Variants in PID1 observed in about 807,000 individuals in gnomAD.
The protein encoded by PID1 is PTB-containing, cubilin and LRP1-interacting protein.
In PID1, 10 loss-of-function variants were observed where a neutral mutation model predicts 19.1. The ratio of observed to expected loss-of-function variants is 0.52; its 90% CI spans 0.32 to 0.89. PID1 has a LOEUF of 0.89. Ranked by LOEUF, PID1 falls within the 40% of genes least tolerant of loss-of-function variation. PID1 has a pLI of 0.03. For synonymous variants in PID1, 130 were observed against 116.0 expected, an observed-to-expected ratio of 1.12 and a Z score of -0.78; for missense variants, 248 against 285.3, an observed-to-expected ratio of 0.87 and a Z score of 0.94.
chr2:229,074,245 T>G (rs1694513507), intron 2 of PID1, among the ~76,000 whole-genome samples: 1 of 152,114 alleles, frequency 6.6e-6, no homozygotes, highest in African/African-American at 2.4e-5. Flanking sequence ...AGATACCCAC[T>G]CCTCTAGGTT....
At chr2:229,075,280 A>C (rs1412584294) in intron 2 of PID1, among the ~76,000 whole-genome samples, 1 of 152,234 alleles carries the variant, frequency 6.6e-6, no homozygotes, top group Non-Finnish European at 1.5e-5. Context: ...GTGAAGTAAA[A>C]AATCGTAAGT....
rs13013873 is a variant in PID1, at chr2:229,175,101, G to T, written c.31-19137C>A. Among the ~76,000 whole-genome samples, 333 of 152,110 alleles carry T rather than the reference G, an allele frequency of 2.2e-3. 2 individuals are homozygous for T. Among genetic ancestry groups the T allele is most frequent in the African/African-American group, 7.7e-3 (320 of 41,458 alleles). On this transcript the variant is annotated intron_variant, in intron 1 of 2. Transcript: ENST00000392055. Reference sequence around the variant, plus strand: ...TGGATCCTTTAGTGCCAGTTGAGCCGTTCCTGCTGGCCCACATAGCCCTGT... The same window carrying T: ...TGGATCCTTTAGTGCCAGTTGAGCCTTTCCTGCTGGCCCACATAGCCCTGT...
At chr2:229,046,543 T>G (rs957816426) in intron 2 of PID1, among the ~76,000 whole-genome samples, 22 of 152,076 alleles carry the variant, frequency 1.4e-4, no homozygotes, top group African/African-American at 5.3e-4. Flanking sequence ...CTTAAGTTCT[T>G]TCTTAGTTTA....
chr2:229,212,836 G>T (rs1325728462), intron 1 of PID1, among the ~76,000 whole-genome samples: 1 of 151,978 alleles, frequency 6.6e-6, no homozygotes. Flanking sequence ...CAGAAGGCAG[G>T]AGCTCCCACC....
intron 2 of PID1, among the ~76,000 whole-genome samples, chr2:229,060,491 A>C (rs1694189120): frequency 6.6e-6 from 1 of 152,144 alleles, no homozygotes; most frequent in African/African-American, 2.4e-5. Context: ...TTGTGCATAT[A>C]TACCACATTC....
chr2:229,039,313 T>C (rs73097602), intron 2 of PID1, among the ~76,000 whole-genome samples: 22,326 of 152,200 alleles, frequency 0.15, 1,756 homozygotes, highest in Non-Finnish European at 0.16. Flanking sequence ...GTTGAAATTC[T>C]GTGTGGAAAA....
chr2:229,066,935 T>C (rs1412319160), intron 2 of PID1, among the ~76,000 whole-genome samples: 1 of 152,126 alleles, frequency 6.6e-6, no homozygotes, highest in South Asian at 2.1e-4. Flanking sequence ...TTTTTAAATA[T>C]ATGCCATCGT....
chr2:229,045,856 T>C (rs1693864600), intron 2 of PID1, among the ~76,000 whole-genome samples: 1 of 152,234 alleles, frequency 6.6e-6, no homozygotes, highest in Non-Finnish European at 1.5e-5. Context: ...TTGCTGTGTC[T>C]TGTCAAGAGC....
At chr2:229,228,193 C>T in intron 1 of PID1, 1 of 361,754 alleles carries the variant, frequency 2.8e-6, no homozygotes, top group South Asian at 2.1e-5. Context: ...AATTATTCAT[C>T]TCTACTTTTC....
intron 2 of PID1, among the ~76,000 whole-genome samples, chr2:229,047,979 G>A (rs1049150615): frequency 2.0e-5 from 3 of 152,198 alleles, no homozygotes; most frequent in Admixed American, 1.3e-4. Flanking sequence ...GACTGCTGAC[G>A]TGAAGAAACC....
intron 1 of PID1, among the ~76,000 whole-genome samples, chr2:229,268,491 C>T (rs1690652385): frequency 6.6e-6 from 1 of 152,112 alleles, no homozygotes; most frequent in Non-Finnish European, 1.5e-5. Context: ...TCTTTTGATT[C>T]TAGGTATTGA....
chr2:229,266,608 T>C (rs1419567973), intron 1 of PID1, among the ~76,000 whole-genome samples: 1 of 152,238 alleles, frequency 6.6e-6, no homozygotes, highest in African/African-American at 2.4e-5. Flanking sequence ...TTCTGCACTA[T>C]GGTGAAGTGC....
At chr2:229,171,032 AG>A (rs1322819198) in intron 1 of PID1, among the ~76,000 whole-genome samples, 1 of 152,226 alleles carries the variant, frequency 6.6e-6, no homozygotes, top group Non-Finnish European at 1.5e-5. Flanking sequence ...TCAGTCCCCA[AG>A]TATAGCCCAA....
At chr2:229,077,823 C>T (rs1172460719) in intron 2 of PID1, among the ~76,000 whole-genome samples, 1 of 152,136 alleles carries the variant, frequency 6.6e-6, no homozygotes, top group African/African-American at 2.4e-5. Context: ...TAGCATGATG[C>T]CTCCAGCTTT....
At chr2:229,261,757 A>G (rs1690465767) in intron 1 of PID1, among the ~76,000 whole-genome samples, 1 of 152,216 alleles carries the variant, frequency 6.6e-6, no homozygotes, top group South Asian at 2.1e-4. Flanking sequence ...ACTCTCAGAA[A>G]GAGACACTGA....
intron 1 of PID1, among the ~76,000 whole-genome samples, chr2:229,159,875 G>T (rs2106199432): frequency 6.6e-6 from 1 of 152,276 alleles, no homozygotes; most frequent in Admixed American, 6.5e-5. Context: ...GCCCAATGCA[G>T]AGTGTAGGGT....
At chr2:229,100,075 T>C (rs1451092299) in intron 2 of PID1, among the ~76,000 whole-genome samples, 3 of 152,094 alleles carry the variant, frequency 2.0e-5, no homozygotes, top group Non-Finnish European at 4.4e-5. Context: ...AACATGAGGA[T>C]ACAAGAAGCT....
chr2:229,046,384 G>A (rs1271725025), intron 2 of PID1, among the ~76,000 whole-genome samples: 1 of 137,852 alleles, frequency 7.3e-6, no homozygotes, highest in African/African-American at 2.6e-5. Context: ...GTGTGTGCGT[G>A]TGTGTGTGTG....
intron 2 of PID1, among the ~76,000 whole-genome samples, chr2:229,094,369 CA>C (rs1169960967): frequency 1.3e-5 from 2 of 151,962 alleles, no homozygotes; most frequent in African/African-American, 2.4e-5. Flanking sequence ...CTATAATATC[CA>C]AGGCAATCTA....
Sources: allele counts gnomAD v4.1 joint callset (sites outside exome capture counted in the v4.1 genomes callset), GRCh38; gene constraint gnomAD v4.1.1; transcripts MANE v1.5; gene names NCBI Gene and HGNC (gene_info 2026-07-23, HGNC 2026-07-21).